Variants in DLGAP2 observed in about 807,000 individuals in gnomAD.
DLGAP2 encodes the protein disks large-associated protein 2.
A neutral mutation model predicts 100.3 loss-of-function variants in DLGAP2; 26 were observed. The ratio of observed to expected loss-of-function variants is 0.26; its 90% CI spans 0.19 to 0.36. The LOEUF (loss-of-function observed/expected upper bound fraction) is 0.36, where lower values mean the gene tolerates loss of function less well. DLGAP2 is among the 10% of genes least tolerant of loss of function. DLGAP2 has a pLI of 1.00. For synonymous variants in DLGAP2, 886 were observed against 630.1 expected (o/e 1.41, Z -6.08); for missense variants, 1,858 against 1,453.2 (o/e 1.28, Z -4.53).
chr8:1,122,258 T>C (rs1367979157), intron 2 of DLGAP2, among the ~76,000 whole-genome samples: 1 of 152,226 alleles, frequency 6.6e-6, no homozygotes, highest in East Asian at 1.9e-4. Context: ...CTTCTGTCCA[T>C]GGAGACAGAG....
intron 2 of DLGAP2, among the ~76,000 whole-genome samples, chr8:979,899 T>A (rs976951368): frequency 2.0e-5 from 3 of 152,150 alleles, no homozygotes; most frequent in Non-Finnish European, 4.4e-5. Flanking sequence ...TGCCATTCTG[T>A]GTTCCACATC....
At chr8:1,161,848 G>A (rs1005841981) in intron 2 of DLGAP2, among the ~76,000 whole-genome samples, 1 of 152,238 alleles carries the variant, frequency 6.6e-6, no homozygotes, top group Non-Finnish European at 1.5e-5. Context: ...GGCTTCCTGT[G>A]CTCACGGCCT....
At chr8:859,661 C>T (rs1394676875) in intron 1 of DLGAP2, among the ~76,000 whole-genome samples, 2 of 152,130 alleles carry the variant, frequency 1.3e-5, no homozygotes, top group African/African-American at 4.8e-5. Flanking sequence ...CCTCTGGCTG[C>T]CTTCGGTGAG....
intron 2 of DLGAP2, among the ~76,000 whole-genome samples, chr8:1,212,760 T>C (rs1210363573): frequency 2.4e-5 from 3 of 126,860 alleles, no homozygotes; most frequent in East Asian, 2.4e-4. Context: ...TCTCTCTCTC[T>C]TCCCCCCCGC....
intron 8 of DLGAP2, among the ~76,000 whole-genome samples, chr8:1,651,945 C>T (rs1374904429): frequency 6.6e-5 from 10 of 152,318 alleles, no homozygotes; most frequent in African/African-American, 2.2e-4. Flanking sequence ...CTCAGAGCCT[C>T]GTCAGAGCCG....
chr8:1,114,585 C>G (rs529566050), intron 2 of DLGAP2, among the ~76,000 whole-genome samples: 102 of 151,904 alleles, frequency 6.7e-4, no homozygotes, highest in African/African-American at 2.4e-3. Context: ...TGGGCCTCCT[C>G]TCTTTTCTTC....
At chr8:1,188,782 AC>A (rs1483332006) in intron 2 of DLGAP2, among the ~76,000 whole-genome samples, 5 of 152,214 alleles carry the variant, frequency 3.3e-5, no homozygotes, top group East Asian at 1.9e-4. Flanking sequence ...TACACGCTGA[AC>A]AAAAGCTTTG....
At chr8:821,570 A>G (rs1796583894) in intron 1 of DLGAP2, among the ~76,000 whole-genome samples, 1 of 152,216 alleles carries the variant, frequency 6.6e-6, no homozygotes, top group African/African-American at 2.4e-5. Context: ...GCTACACTGA[A>G]TTTCATCTGG....
rs114713253 is a variant in DLGAP2 at position 907,036 on chromosome 8, C to A, written c.19-876C>A. On this transcript the variant is annotated intron_variant, in intron 1 of 14. Coordinates refer to ENST00000637795, the MANE Select transcript of DLGAP2 (RefSeq NM_001346810.2). ...GTTTCATCCATTGCATTTATGAGAG[C>A]CTGCTCTATACTCAGCCAGACTGAA... is the stretch of plus-strand genomic sequence containing the variant. 5.0e-3 allele frequency among the ~76,000 whole-genome samples: 765 copies of A among 152,220 alleles called. 9 individuals are homozygous for A. Among genetic ancestry groups the A allele is most frequent in the African/African-American group, 0.017 (719 of 41,534 alleles).
At chr8:949,658 T>C (rs1315584615) in intron 2 of DLGAP2, among the ~76,000 whole-genome samples, 4 of 152,182 alleles carry the variant, frequency 2.6e-5, no homozygotes, top group Admixed American at 2.6e-4. Context: ...AGGTCCTCTT[T>C]CTCCTACATG....
intron 8 of DLGAP2, among the ~76,000 whole-genome samples, chr8:1,655,946 C>T (rs933202737): frequency 1.3e-5 from 2 of 152,228 alleles, no homozygotes; most frequent in Non-Finnish European, 2.9e-5. Context: ...TAGCTGCTGG[C>T]CGCACCTGAC....
At chr8:759,935 G>A (rs969297569) in intron 1 of DLGAP2, among the ~76,000 whole-genome samples, 2 of 152,198 alleles carry the variant, frequency 1.3e-5, no homozygotes, top group African/African-American at 4.8e-5. Flanking sequence ...GCAGCTCCAC[G>A]CTTACTTCTC....
intron 3 of DLGAP2, among the ~76,000 whole-genome samples, chr8:1,307,758 C>T (rs899038969): frequency 2.4e-4 from 37 of 152,240 alleles, no homozygotes; most frequent in African/African-American, 8.7e-4. Flanking sequence ...AAATGAAATT[C>T]GCCCGTCACA....
chr8:1,482,591 C>T (rs1034892089), intron 3 of DLGAP2, among the ~76,000 whole-genome samples: 1 of 152,266 alleles, frequency 6.6e-6, no homozygotes, highest in Admixed American at 6.5e-5. Context: ...ATGGCTCGCT[C>T]TCGTGGGCCA....
chr8:781,082 T>A lies in DLGAP2; in HGVS notation c.18+43257T>A, dbSNP rs183772978. ...TGAAAATATGTATAGATAACCCCTT[T>A]TTTTGGTTTTTATTATTGACTGATC... is the stretch of plus-strand genomic sequence containing the variant. On this transcript the variant is annotated intron_variant, in intron 1 of 14. Transcript: ENST00000637795. Among the ~76,000 whole-genome samples the A allele has an allele frequency of 5.0e-4, 76 of 152,336 alleles. 1 individual carries two copies. The highest frequency in any genetic ancestry group is 8.5e-4 in the Admixed American group (13 of 15,302).
At chr8:1,495,525 A>G (rs1465752197) in intron 3 of DLGAP2, among the ~76,000 whole-genome samples, 1 of 152,228 alleles carries the variant, frequency 6.6e-6, no homozygotes, top group African/African-American at 2.4e-5. Flanking sequence ...TGGGTGAGCC[A>G]GGACTGCGCT....
At chr8:1,389,821 GCAGACCCAGATCTGCCC>G (rs1225735127) in intron 3 of DLGAP2, among the ~76,000 whole-genome samples, 2 of 152,004 alleles carry the variant, frequency 1.3e-5, no homozygotes, top group Admixed American at 6.5e-5. Flanking sequence ...AGGATCCAAC[GCAGACCCAGATCTGCCC>G]CAGACCCAGA....
chr8:1,654,022 C>T (rs73545323), intron 8 of DLGAP2, among the ~76,000 whole-genome samples: 6,158 of 152,212 alleles, frequency 0.04, 416 homozygotes, highest in African/African-American at 0.14. Context: ...TCAATGTCTG[C>T]GCACTCACTA....
At chr8:1,180,425 G>A (rs1797355695) in intron 2 of DLGAP2, among the ~76,000 whole-genome samples, 1 of 152,222 alleles carries the variant, frequency 6.6e-6, no homozygotes, top group Non-Finnish European at 1.5e-5. Context: ...GCCTGGTCTT[G>A]AGCTCAAGCA....
Sources: allele counts gnomAD v4.1 joint callset (sites outside exome capture counted in the v4.1 genomes callset), GRCh38; gene constraint gnomAD v4.1.1; transcripts MANE v1.5; gene names NCBI Gene and HGNC (gene_info 2026-07-23, HGNC 2026-07-21).